The following PEBP4 variants were observed in gnomAD, a reference collection of about 807,000 sequenced individuals.
The protein encoded by PEBP4 is phosphatidylethanolamine-binding protein 4.
A neutral mutation model predicts 23.9 loss-of-function variants in PEBP4; 22 were observed. The observed-to-expected ratio is 0.92, with a 90% CI of 0.66 to 1.31. The LOEUF is 1.31. Ranked by LOEUF, PEBP4 falls within the 40% of genes most tolerant of loss-of-function variation. The pLI is 0.00. For synonymous variants in PEBP4, 112 were observed against 99.3 expected, an observed-to-expected ratio of 1.13 and a Z score of -0.76; for missense variants, 324 against 281.7, an observed-to-expected ratio of 1.15 and a Z score of -1.07.
intron 3 of PEBP4, among the ~76,000 whole-genome samples, chr8:22,833,678 C>A (rs1807135383): frequency 6.6e-6 from 1 of 152,184 alleles, no homozygotes; most frequent in Admixed American, 6.5e-5. Context: ...GGAGACTGAG[C>A]TGACCTGGCT....
chr8:22,743,422 G>T (rs1023756152), intron 4 of PEBP4, among the ~76,000 whole-genome samples: 3 of 152,174 alleles, frequency 2.0e-5, no homozygotes, highest in Non-Finnish European at 4.4e-5. Flanking sequence ...GGCTAATGAC[G>T]GCCCTCGGCC....
At chr8:22,832,248 T>C (rs1807098891) in intron 3 of PEBP4, among the ~76,000 whole-genome samples, 1 of 152,144 alleles carries the variant, frequency 6.6e-6, no homozygotes. Context: ...TTGATGGTGT[T>C]CGGACGTGGG....
chr8:22,900,591 G>A (rs1808692024), intron 3 of PEBP4, among the ~76,000 whole-genome samples: 1 of 151,590 alleles, frequency 6.6e-6, no homozygotes, highest in Non-Finnish European at 1.5e-5. Flanking sequence ...AGAGGTTGCA[G>A]TGAGCCAAGA....
At chr8:22,779,456 CAA>C (rs1398775229) in intron 4 of PEBP4, among the ~76,000 whole-genome samples, 3 of 151,924 alleles carry the variant, frequency 2.0e-5, no homozygotes, top group African/African-American at 7.3e-5. Context: ...GGTCGCCAGG[CAA>C]AGAGCTCTAA....
intron 3 of PEBP4, among the ~76,000 whole-genome samples, chr8:22,889,867 C>T (rs1174275438): frequency 3.3e-5 from 5 of 152,288 alleles, no homozygotes; most frequent in Non-Finnish European, 5.9e-5. Context: ...TGCTCGGTGG[C>T]GATCTATCAT....
At chr8:22,887,609 T>A (rs1808409959) in intron 3 of PEBP4, 1 of 151,730 alleles carries the variant, frequency 6.6e-6, no homozygotes, top group Non-Finnish European at 1.5e-5. Context: ...TATAAAACCT[T>A]TAAACATCAG....
At chr8:22,752,887 G>T (rs953070947) in intron 4 of PEBP4, among the ~76,000 whole-genome samples, 1 of 152,220 alleles carries the variant, frequency 6.6e-6, no homozygotes, top group Non-Finnish European at 1.5e-5. Flanking sequence ...GGGCTTAGCT[G>T]GGGATGCCCG....
chr8:22,851,010 C>CAAATG (rs1807539589), intron 3 of PEBP4, among the ~76,000 whole-genome samples: 4 of 152,214 alleles, frequency 2.6e-5, no homozygotes, highest in Non-Finnish European at 5.9e-5. Flanking sequence ...AGCATTTGGG[C>CAAATG]AAACATCATT....
At chr8:22,738,126 G>T (rs542492048) in intron 4 of PEBP4, among the ~76,000 whole-genome samples, 13 of 152,342 alleles carry the variant, frequency 8.5e-5, no homozygotes, top group African/African-American at 3.1e-4. Context: ...CCTATACTCA[G>T]CCAGGGTGCG....
intron 3 of PEBP4, among the ~76,000 whole-genome samples, chr8:22,844,710 T>C (rs143377070): frequency 1.2e-4 from 18 of 152,360 alleles, no homozygotes; most frequent in Non-Finnish European, 2.4e-4. Flanking sequence ...CACTCCTTCC[T>C]AGCCAAGGAC....
intron 3 of PEBP4, chr8:22,887,866 G>A (rs867408345): frequency 3.3e-5 from 5 of 152,158 alleles, no homozygotes; most frequent in Admixed American, 1.3e-4. Context: ...AAACGCATGC[G>A]CGCATGCACA....
intron 4 of PEBP4, among the ~76,000 whole-genome samples, chr8:22,817,380 T>C (rs955791440): frequency 1.3e-5 from 2 of 152,188 alleles, no homozygotes; most frequent in African/African-American, 2.4e-5. Context: ...ATTTATACCA[T>C]AAAAATCAGC....
At chr8:22,727,313 G>T in intron 4 of PEBP4, 93 bp from the exon 5 acceptor site, 1 of 1,158,700 alleles carries the variant, frequency 8.6e-7, no homozygotes, top group East Asian at 2.4e-5. Context: ...TCTGCAGGAG[G>T]AGGATGGGAG....
At chr8:22,728,730 T>A (rs1804675803) in intron 4 of PEBP4, among the ~76,000 whole-genome samples, 1 of 152,026 alleles carries the variant, frequency 6.6e-6, no homozygotes, top group Admixed American at 6.6e-5. Flanking sequence ...CCCGAGTAGC[T>A]GGAATTATAG....
At chr8:22,790,194 T>C (rs1201591653) in intron 4 of PEBP4, among the ~76,000 whole-genome samples, 2 of 152,270 alleles carry the variant, frequency 1.3e-5, no homozygotes, top group East Asian at 3.8e-4. Context: ...TGTTTGATGA[T>C]TCTTTCCTTC....
chr8:22,753,567 CT>C (rs1805313231), intron 4 of PEBP4, among the ~76,000 whole-genome samples: 1 of 152,194 alleles, frequency 6.6e-6, no homozygotes, highest in Admixed American at 6.5e-5. Flanking sequence ...GCTGGGAGAA[CT>C]TCAGAGCTAG....
intron 4 of PEBP4, among the ~76,000 whole-genome samples, chr8:22,760,090 C>T (rs962950216): frequency 3.9e-5 from 6 of 152,174 alleles, no homozygotes; most frequent in African/African-American, 1.4e-4. Flanking sequence ...GGACAAACAT[C>T]GGTTGGGCAC....
chr8:22,898,351 C>T lies in PEBP4; in HGVS notation c.258+21833G>A, dbSNP rs530652215. 1.4e-4 allele frequency among the ~76,000 whole-genome samples: 19 copies of T among 137,990 alleles called. No individual in the cohort carries two copies. The South Asian group carries it at 3.4e-3, about 24-fold the overall frequency. The allele number at this position is 137,990 out of a possible 152,430, so 90.5% of individuals were successfully genotyped here. On this transcript the variant is annotated intron_variant, in intron 3 of 6. Coordinates refer to ENST00000256404, the MANE Select transcript of PEBP4 (RefSeq NM_144962.3). ...AGGTTGCAGTGAGCCGAGATCACAC[C>T]GCTGCACTCCAGCCTGAGCGACAGA...
chr8:22,906,523 CA>C (rs1334197234), intron 3 of PEBP4, among the ~76,000 whole-genome samples: 2 of 152,104 alleles, frequency 1.3e-5, no homozygotes, highest in Non-Finnish European at 1.5e-5. Context: ...AACAAACAAA[CA>C]AAAAACCCCT....
Sources: gnomAD v4.1 joint callset for allele counts (sites outside exome capture counted in the v4.1 genomes callset) on GRCh38, gnomAD v4.1.1 for gene constraint, MANE v1.5 for transcripts, NCBI Gene and HGNC (gene_info 2026-07-23, HGNC 2026-07-21) for gene names.